Variants in LIN9 observed in about 807,000 individuals in gnomAD.
LIN9 encodes the protein lin-9 DREAM MuvB core complex component.
LIN9 carries 18 observed loss-of-function variants against 78.0 expected under a neutral mutation model. The ratio of observed to expected loss-of-function variants is 0.23; its 90% CI spans 0.16 to 0.34. LIN9 has a LOEUF of 0.34. LIN9 is among the 10% of genes least tolerant of loss of function. LIN9 has a pLI of 1.00. For synonymous variants in LIN9, 192 were observed against 215.2 expected (o/e 0.89, Z 0.94); for missense variants, 451 against 644.1 (o/e 0.70, Z 3.25).
chr1:226,243,057 G>A, intron 11 of LIN9, among the ~76,000 whole-genome samples: 1 of 152,314 alleles, frequency 6.6e-6, no homozygotes, highest in South Asian at 2.1e-4. Flanking sequence ...GAGTCAAAAG[G>A]TATATGCGGA....
intron 2 of LIN9, among the ~76,000 whole-genome samples, chr1:226,299,715 A>G (rs905147266): frequency 2.0e-5 from 3 of 152,166 alleles, no homozygotes; most frequent in African/African-American, 7.2e-5. Context: ...GTACTTTGAG[A>G]ATATTTAGCT....
chr1:226,260,628 GTTTTTTTTTT>G (rs559460640), intron 10 of LIN9, among the ~76,000 whole-genome samples: 7 of 73,438 alleles, frequency 9.5e-5, no homozygotes, highest in Admixed American at 9.4e-4. Context: ...GGCCAAATGA[GTTTTTTTTTT>G]TTTTTTTTTT....
intron 11 of LIN9, among the ~76,000 whole-genome samples, chr1:226,243,560 G>A (rs1234600277): frequency 2.6e-5 from 4 of 151,996 alleles, no homozygotes; most frequent in African/African-American, 2.4e-5. Context: ...GCTGGGCGTG[G>A]TGGTGCGTGC....
At chr1:226,255,767 A>C (rs1036732602) in intron 10 of LIN9, among the ~76,000 whole-genome samples, 1 of 152,118 alleles carries the variant, frequency 6.6e-6, no homozygotes, top group African/African-American at 2.4e-5. Flanking sequence ...CACAACAGTT[A>C]TCTCAGAAGA....
At chr1:226,293,118 G>A (rs1202744724) in intron 4 of LIN9, among the ~76,000 whole-genome samples, 2 of 152,132 alleles carry the variant, frequency 1.3e-5, no homozygotes, top group African/African-American at 4.8e-5. Flanking sequence ...ATATGACTAA[G>A]GAGGGTAAGG....
At chr1:226,244,902 A>G (rs1208968338) in intron 11 of LIN9, among the ~76,000 whole-genome samples, 1 of 152,216 alleles carries the variant, frequency 6.6e-6, no homozygotes, top group South Asian at 2.1e-4. Flanking sequence ...CTCCTTCTTG[A>G]TGAACATTCA....
chr1:226,283,920 T>C (rs1032804398), intron 6 of LIN9, among the ~76,000 whole-genome samples: 7 of 151,544 alleles, frequency 4.6e-5, no homozygotes, highest in Admixed American at 2.6e-4. Context: ...TCAGCCTGGG[T>C]GACAGAGCAA....
chr1:226,303,536 G>A (rs1466444240), intron 1 of LIN9, among the ~76,000 whole-genome samples: 1 of 152,180 alleles, frequency 6.6e-6, no homozygotes, highest in East Asian at 1.9e-4. Context: ...CCTGCTCCAC[G>A]AAGGCAGGAA....
chr1:226,290,620 G>A (rs945068994), intron 4 of LIN9, among the ~76,000 whole-genome samples: 1 of 152,034 alleles, frequency 6.6e-6, no homozygotes, highest in African/African-American at 2.4e-5. Flanking sequence ...GATTACAGGC[G>A]TAAGCCACCG....
chr1:226,279,148 G>A (rs559286720), intron 6 of LIN9, among the ~76,000 whole-genome samples: 6 of 151,670 alleles, frequency 4.0e-5, no homozygotes, highest in African/African-American at 1.2e-4. Flanking sequence ...GCAACAGAGC[G>A]AGACTCCGTC....
intron 7 of LIN9, among the ~76,000 whole-genome samples, chr1:226,275,070 T>A (rs1160763581): frequency 6.6e-6 from 1 of 151,984 alleles, no homozygotes; most frequent in African/African-American, 2.4e-5. Context: ...GGGTGTTGAA[T>A]TTTTTTCTTG....
chr1:226,307,713 G>A (rs983932919), intron 1 of LIN9, among the ~76,000 whole-genome samples: 1 of 152,182 alleles, frequency 6.6e-6, no homozygotes, highest in Non-Finnish European at 1.5e-5. Flanking sequence ...CTGGTCAATA[G>A]CTGTGCCCTA....
At chr1:226,239,184 A>G (rs1312438404) in intron 11 of LIN9, 88 bp from the exon 12 acceptor site, 1 of 1,369,902 alleles carries the variant, frequency 7.3e-7, no homozygotes, top group Non-Finnish European at 1.0e-6. Flanking sequence ...TGACTTATCT[A>G]AAAAGCAAAC....
At chr1:226,254,638 G>A (rs980818603) in intron 10 of LIN9, among the ~76,000 whole-genome samples, 6 of 152,020 alleles carry the variant, frequency 3.9e-5, no homozygotes, top group East Asian at 1.9e-4. Flanking sequence ...TTGGCCAGGC[G>A]CGGTGGCTCA....
intron 6 of LIN9, among the ~76,000 whole-genome samples, chr1:226,280,241 CTCAAAAACTAA>C (rs1467820952): frequency 6.6e-6 from 1 of 151,998 alleles, no homozygotes; most frequent in East Asian, 1.9e-4. Context: ...TGTCATTTGT[CTCAAAAACTAA>C]ATAAAAACAA....
chr1:226,278,343 C>T (rs551007167), intron 6 of LIN9, among the ~76,000 whole-genome samples: 36 of 150,296 alleles, frequency 2.4e-4, no homozygotes, highest in Non-Finnish European at 3.1e-4. Context: ...GCAGGAGAAT[C>T]GCTTGAATCT....
chr1:226,265,707 T>G lies in LIN9; in HGVS notation c.937-73A>C. 2 of 833,494 alleles carry G rather than the reference T, an allele frequency of 2.4e-6. No individual in the cohort carries two copies. Among genetic ancestry groups the G allele is most frequent in the South Asian group, 3.2e-5 (2 of 61,862 alleles). The allele number at this position is 833,494 out of a possible 1,614,324, so 51.6% of individuals were successfully genotyped here. On this transcript the variant is annotated intron_variant, in intron 9 of 14. Transcript: ENST00000681046. The surrounding 1 kb of genome is among the most constrained non-coding windows in gnomAD (Gnocchi z 4.1). ...GTATCTTATTTTTTTATTTTTATTT[T>G]TTTTTAGACGGAGTCTCGCTCTGTT... is the stretch of plus-strand genomic sequence containing the variant.
rs2377028 is a variant in LIN9, at chr1:226,231,536, C to G, written c.*965G>C. 0.7 allele frequency: 107,195 copies of G among 152,354 alleles called. 37,820 individuals are homozygous for G. Among genetic ancestry groups the G allele is most frequent in the East Asian group, 0.75 (3,861 of 5,178 alleles). 9.4% of individuals were successfully genotyped at this position (152,354 alleles called of 1,614,324 possible). Reference sequence around the variant, plus strand: ...TTTACAAGATTAACATTTTAGGCAGCGTTTTCCTAAAAAAGAAAAACAACC... The same window carrying G: ...TTTACAAGATTAACATTTTAGGCAGGGTTTTCCTAAAAAAGAAAAACAACC... On this transcript the variant is annotated 3_prime_UTR_variant, in exon 15 of 15. Transcript: ENST00000681046.
At chr1:226,309,433 G>T (rs764843737), upstream of LIN9, 65 of 1,029,354 alleles carry the variant, frequency 6.3e-5, no homozygotes, top group East Asian at 1.1e-4. Flanking sequence ...AGCGCGGGGG[G>T]AGCAGTACCA....
Sources: gnomAD v4.1 joint callset for allele counts (sites outside exome capture counted in the v4.1 genomes callset) on GRCh38, gnomAD v4.1.1 for gene constraint, Gnocchi (gnomAD v3.1) non-coding constraint, MANE v1.5 for transcripts, NCBI Gene and HGNC (gene_info 2026-07-23, HGNC 2026-07-21) for gene names.